Variants in PPARGC1B observed in about 807,000 individuals in gnomAD.
PPARGC1B encodes peroxisome proliferator-activated receptor gamma coactivator 1-beta.
Under a neutral mutation model 101.6 loss-of-function variants are expected in PPARGC1B, and 34 were observed. The ratio of observed to expected loss-of-function variants is 0.33; its 90% CI spans 0.25 to 0.45. The LOEUF is 0.45. Ranked by LOEUF, PPARGC1B falls within the 20% of genes least tolerant of loss-of-function variation. The pLI is 1.00. For missense variants in PPARGC1B, 1,234 were observed against 1,317.6 expected, an observed-to-expected ratio of 0.94 and a Z score of 0.98; for synonymous variants, 548 against 539.3, an observed-to-expected ratio of 1.02 and a Z score of -0.22.
chr5:149,738,898 A>T (rs1442308468), intron 1 of PPARGC1B, among the ~76,000 whole-genome samples: 23 of 152,192 alleles, frequency 1.5e-4, no homozygotes, highest in Non-Finnish European at 1.5e-5. Flanking sequence ...TCCAGCCTCT[A>T]GAAAGCCTTT....
chr5:149,768,131 G>A (rs535663950), intron 1 of PPARGC1B, among the ~76,000 whole-genome samples: 1 of 152,194 alleles, frequency 6.6e-6, no homozygotes, highest in East Asian at 1.9e-4. Context: ...ATAGGATGTT[G>A]GAAATAGAAG....
rs1164056921 is a variant in PPARGC1B at position 149,833,957 on chromosome 5, A to C, written c.1705+179A>C. Among the ~76,000 whole-genome samples, 1 of 152,236 alleles carries C rather than the reference A, an allele frequency of 6.6e-6. No homozygotes were observed. The highest frequency in any genetic ancestry group is 1.5e-5 in the Non-Finnish European group (1 of 68,046). ...CTTTTCTTTGGGCTAGTTGGAGCAG[A>C]TCTTCAGAAGAACACCTATGCATCT... On this transcript the variant is annotated intron_variant, in intron 5 of 11. Coordinates refer to ENST00000309241, the MANE Select transcript of PPARGC1B (RefSeq NM_133263.4). The surrounding 1 kb of genome is among the most constrained non-coding windows in gnomAD (Gnocchi z 4.1).
At position 149,849,134 on chromosome 5, in the gene PPARGC1B, A is replaced by C. The variant is rs547389278; in HGVS notation, c.*1576A>C. 2 of 152,142 alleles carry C rather than the reference A, an allele frequency of 1.3e-5. No homozygotes were observed. The highest frequency in any genetic ancestry group is 4.8e-5 in the African/African-American group (2 of 41,426). 9.4% of individuals were successfully genotyped at this position (152,142 alleles called of 1,614,324 possible). A position where few individuals can be genotyped will look rare whatever the true frequency, so the allele number is the denominator to read the frequency against. ...TAAGTCCTGCTGCTTTAAAAATTTGAAAGTGGCTCATTAAACTAAACAGGC... is the reference window on the plus strand; with the variant it reads ...TAAGTCCTGCTGCTTTAAAAATTTGCAAGTGGCTCATTAAACTAAACAGGC... On this transcript the variant is annotated 3_prime_UTR_variant, in exon 12 of 12. Transcript: ENST00000309241.
At chr5:149,758,991 A>C (rs1236499170) in intron 1 of PPARGC1B, among the ~76,000 whole-genome samples, 1 of 152,218 alleles carries the variant, frequency 6.6e-6, no homozygotes, top group Non-Finnish European at 1.5e-5. Flanking sequence ...TTGTTGAAGA[A>C]AATTAAAGAA....
At chr5:149,826,618 G>T in intron 2 of PPARGC1B, 55 bp from the exon 3 acceptor site, 3 of 1,382,864 alleles carry the variant, frequency 2.2e-6, no homozygotes, top group Non-Finnish European at 3.1e-6. Flanking sequence ...GTCTAAGGTG[G>T]TGACTAACCA....
chr5:149,763,278 C>G (rs1254096797), intron 1 of PPARGC1B, among the ~76,000 whole-genome samples: 1 of 152,222 alleles, frequency 6.6e-6, no homozygotes, highest in Admixed American at 6.5e-5. Context: ...CTTGAGCCCT[C>G]TTAAAGTTGC....
chr5:149,739,264 T>A (rs1351952365), intron 1 of PPARGC1B, among the ~76,000 whole-genome samples: 13 of 152,246 alleles, frequency 8.5e-5, no homozygotes, highest in Admixed American at 8.5e-4. Flanking sequence ...CGTCATTTCA[T>A]CTGTGACTAT....
At chr5:149,755,408 C>T (rs903588018) in intron 1 of PPARGC1B, among the ~76,000 whole-genome samples, 6 of 151,546 alleles carry the variant, frequency 4.0e-5, no homozygotes, top group African/African-American at 1.5e-4. Context: ...TTTTAAGTGC[C>T]AACTCTTTCA....
chr5:149,743,249 G>A (rs1285221212), intron 1 of PPARGC1B, among the ~76,000 whole-genome samples: 4 of 149,372 alleles, frequency 2.7e-5, no homozygotes, highest in Non-Finnish European at 4.4e-5. Flanking sequence ...TCTGCCTCCT[G>A]GGTTCAACTG....
chr5:149,808,870 A>G (rs1173858251), intron 1 of PPARGC1B, among the ~76,000 whole-genome samples: 1 of 152,216 alleles, frequency 6.6e-6, no homozygotes, highest in Non-Finnish European at 1.5e-5. Context: ...TGTGGGAGGC[A>G]GCAGTAAACA....
chr5:149,855,579 C>G (rs1300042725), downstream of PPARGC1B, among the ~76,000 whole-genome samples: 1 of 152,144 alleles, frequency 6.6e-6, no homozygotes, highest in East Asian at 1.9e-4. Flanking sequence ...GAGAGCAGGC[C>G]TGCATTGTGT....
chr5:149,836,635 C>T lies in PPARGC1B; in HGVS notation c.2180C>T (p.Ala727Val), dbSNP rs770044041. The T allele has an allele frequency of 1.2e-6, 2 of 1,613,818 alleles. No homozygotes were observed. Among genetic ancestry groups the T allele is most frequent in the Non-Finnish European group, 8.5e-7 (1 of 1,180,024 alleles). Residue 727 changes from alanine (A) to valine (V), a missense_variant, in exon 8 of 12, where the codon GCC becomes GTC. Around this residue, in one of 3 missense-constraint regions of PPARGC1B, gnomAD observed 497 missense variants for 529.5 expected, o/e 0.94. Coordinates refer to ENST00000309241, the MANE Select transcript of PPARGC1B (RefSeq NM_133263.4). ...CTTGAGGACTGGCCCCAGCAGGGTG[C>T]CCCTTGGGCTGAGGCACAGGCCCCT... ...VHLEDWPQQG[A>V]PWAEAQAPGR...
intron 9 of PPARGC1B, among the ~76,000 whole-genome samples, chr5:149,842,005 C>G (rs552612663): frequency 6.6e-6 from 1 of 152,346 alleles, no homozygotes; most frequent in African/African-American, 2.4e-5. Context: ...TTCCTAGCCC[C>G]AGTCTTTGCT....
intron 8 of PPARGC1B, among the ~76,000 whole-genome samples, chr5:149,839,038 A>G (rs1225998271): frequency 1.3e-5 from 2 of 152,202 alleles, no homozygotes; most frequent in African/African-American, 2.4e-5. Flanking sequence ...TTCCCCTCCC[A>G]TTATCCTACT....
chr5:149,824,569 C>G (rs1435442522), intron 2 of PPARGC1B, among the ~76,000 whole-genome samples: 1 of 152,210 alleles, frequency 6.6e-6, no homozygotes, highest in Non-Finnish European at 1.5e-5. Context: ...AGGGAAACGA[C>G]TTGCCTAAGA....
intron 1 of PPARGC1B, among the ~76,000 whole-genome samples, chr5:149,772,683 G>A (rs1581035967): frequency 6.6e-6 from 1 of 152,122 alleles, no homozygotes; most frequent in Non-Finnish European, 1.5e-5. Context: ...GCCTATTGTC[G>A]TGACCTAATT....
At position 149,730,414 on chromosome 5, in the gene PPARGC1B, C is replaced by T; in HGVS notation, c.72C>T (p.Asp24=). 2.6e-6 allele frequency: 4 copies of T among 1,558,240 alleles called. No individual in the cohort carries two copies. Among genetic ancestry groups the T allele is most frequent in the South Asian group, 1.2e-5 (1 of 83,540 alleles). The part of the protein sequence containing the change: ...LSSFFLNYLA[D]TQGGGSGEEQ... ...CCTTCTTCCTCAACTATCTCGCTGA[C>T]ACGCAGGTACGGCCGGCTGGGGCTG... The change falls in exon 1 of 12, where the codon GAC becomes GAT. Residue 24 remains aspartate (D), a synonymous_variant. Coordinates refer to ENST00000309241, the MANE Select transcript of PPARGC1B (RefSeq NM_133263.4). The surrounding 1 kb of genome is among the most constrained non-coding windows in gnomAD (Gnocchi z 4.0).
intron 1 of PPARGC1B, among the ~76,000 whole-genome samples, chr5:149,790,074 G>C (rs1756956022): frequency 6.6e-6 from 1 of 152,178 alleles, no homozygotes; most frequent in Non-Finnish European, 1.5e-5. Context: ...CTGAACCTTA[G>C]TTTCCTTGTC....
At chr5:149,750,706 A>T (rs1367539420) in intron 1 of PPARGC1B, among the ~76,000 whole-genome samples, 1 of 152,318 alleles carries the variant, frequency 6.6e-6, no homozygotes, top group East Asian at 1.9e-4. Flanking sequence ...AGTGAACCAC[A>T]TTTAACGTAC....
Sources: allele counts gnomAD v4.1 joint callset (sites outside exome capture counted in the v4.1 genomes callset), GRCh38; gene constraint gnomAD v4.1.1; regional missense constraint gnomAD v4.1.1; non-coding constraint Gnocchi (gnomAD v3.1); transcripts MANE v1.5; gene names NCBI Gene and HGNC (gene_info 2026-07-23, HGNC 2026-07-21).